The following FOXP1 variants were observed in gnomAD, a reference collection of about 807,000 sequenced individuals.
FOXP1 encodes the protein forkhead box protein P1.
Under a neutral mutation model 98.2 loss-of-function variants are expected in FOXP1, and 15 were observed. The observed-to-expected ratio is 0.15, with a 90% CI of 0.10 to 0.24. The LOEUF (loss-of-function observed/expected upper bound fraction) is 0.24. Ranked by LOEUF, FOXP1 falls within the 10% of genes least tolerant of loss-of-function variation. FOXP1 has a pLI of 1.00. For synonymous variants in FOXP1, 371 were observed against 314.5 expected (o/e 1.18, Z -1.90); for missense variants, 633 against 848.5 (o/e 0.75, Z 3.15).
chr3:71,074,529 G>T (rs1410767330), intron 7 of FOXP1, among the ~76,000 whole-genome samples: 3 of 152,126 alleles, frequency 2.0e-5, no homozygotes, highest in Admixed American at 6.5e-5. Context: ...CACATGGCCA[G>T]CTTAAATTAT....
chr3:71,467,424 C>A (rs190875348), intron 3 of FOXP1, among the ~76,000 whole-genome samples: 19 of 152,154 alleles, frequency 1.2e-4, no homozygotes, highest in Admixed American at 1.1e-3. Context: ...GGGTGGTGGA[C>A]AAATGGAATC....
chr3:71,030,588 A>G (rs1448493125), intron 11 of FOXP1, among the ~76,000 whole-genome samples: 1 of 152,242 alleles, frequency 6.6e-6, no homozygotes, highest in Non-Finnish European at 1.5e-5. Context: ...TTCCCACACT[A>G]GGACCACACC....
intron 13 of FOXP1, among the ~76,000 whole-genome samples, chr3:71,000,694 C>T (rs141372095): frequency 2.0e-5 from 3 of 151,808 alleles, no homozygotes; most frequent in East Asian, 3.9e-4. Context: ...TCAAAGTGGC[C>T]GCTGAGAGTT....
chr3:71,157,742 T>C (rs1159631085), intron 6 of FOXP1, among the ~76,000 whole-genome samples: 1 of 152,132 alleles, frequency 6.6e-6, no homozygotes, highest in Non-Finnish European at 1.5e-5. Flanking sequence ...GATACAAAGT[T>C]GGGCTAAGAA....
At chr3:71,093,036 A>T (rs2056055376) in intron 7 of FOXP1, among the ~76,000 whole-genome samples, 1 of 152,150 alleles carries the variant, frequency 6.6e-6, no homozygotes, top group Non-Finnish European at 1.5e-5. Context: ...CAAGGCAGGC[A>T]GATCACCTGA....
chr3:71,351,179 A>G (rs932152399), intron 4 of FOXP1, among the ~76,000 whole-genome samples: 1 of 152,236 alleles, frequency 6.6e-6, no homozygotes, highest in African/African-American at 2.4e-5. Flanking sequence ...CAGGGAGCAC[A>G]GCACAGCCAG....
intron 6 of FOXP1, among the ~76,000 whole-genome samples, chr3:71,121,193 C>T (rs893743084): frequency 6.6e-6 from 1 of 151,764 alleles, no homozygotes; most frequent in Middle Eastern, 3.2e-3. Flanking sequence ...AGAGAGATGC[C>T]GAAGGCTCTA....
chr3:71,274,725 C>G (rs537783575), intron 5 of FOXP1, among the ~76,000 whole-genome samples: 4 of 152,256 alleles, frequency 2.6e-5, no homozygotes, highest in African/African-American at 9.6e-5. Flanking sequence ...GAGTCAGAAG[C>G]TGGAAGTAAA....
At chr3:70,978,901 T>C (rs1190722574) in intron 14 of FOXP1, among the ~76,000 whole-genome samples, 1 of 152,114 alleles carries the variant, frequency 6.6e-6, no homozygotes, top group Non-Finnish European at 1.5e-5. Flanking sequence ...TCCTTCAAGT[T>C]TTGAATGTTC....
intron 2 of FOXP1, among the ~76,000 whole-genome samples, chr3:71,548,575 T>G (rs2045543780): frequency 6.6e-6 from 1 of 152,100 alleles, no homozygotes; most frequent in Non-Finnish European, 1.5e-5. Context: ...ATTGTTGTAT[T>G]TTTGGTAGAG....
At chr3:71,031,861 G>C (rs2046909619) in intron 11 of FOXP1, among the ~76,000 whole-genome samples, 1 of 152,220 alleles carries the variant, frequency 6.6e-6, no homozygotes, top group African/African-American at 2.4e-5. Context: ...CACCCAGCCA[G>C]AAAGGTCCAT....
upstream of FOXP1, chr3:71,583,830 G>A (rs2048386294): frequency 1.0e-6 from 1 of 987,972 alleles, no homozygotes; most frequent in Non-Finnish European, 1.2e-6. Flanking sequence ...GGCGGCAGAG[G>A]CGCGGGCAGC....
chr3:71,387,345 C>T (rs1354672813), intron 3 of FOXP1, among the ~76,000 whole-genome samples: 1 of 152,238 alleles, frequency 6.6e-6, no homozygotes, highest in East Asian at 1.9e-4. Context: ...ATAACTTCAT[C>T]ACCTTGAAGT....
rs530140175 is a variant in FOXP1, at chr3:71,344,745, C to A, written c.-73+14405G>T. Among the ~76,000 whole-genome samples, 8 of 151,646 alleles carry A rather than the reference C, an allele frequency of 5.3e-5. No individual in the cohort carries two copies. The South Asian group carries it at 1.5e-3, about 28-fold the overall frequency. On this transcript the variant is annotated intron_variant, in intron 4 of 20. Coordinates refer to ENST00000649528, the MANE Select transcript of FOXP1 (RefSeq NM_001349338.3). The stretch of plus-strand genomic sequence containing the variant: ...TCCAGCTACTTGGGAGGCTGAGGCA[C>A]GAGAATGGCTTGAACCTGGCAGAGG...
At chr3:71,109,558 A>G (rs1462962410) in intron 7 of FOXP1, among the ~76,000 whole-genome samples, 2 of 152,154 alleles carry the variant, frequency 1.3e-5, no homozygotes, top group Non-Finnish European at 2.9e-5. Context: ...AAGATCAGAG[A>G]TGAGCACTGT....
chr3:71,199,035 C>G (rs1389909882), intron 5 of FOXP1, among the ~76,000 whole-genome samples: 1 of 151,812 alleles, frequency 6.6e-6, no homozygotes, highest in Non-Finnish European at 1.5e-5. Flanking sequence ...CAAAAACCAG[C>G]AAGTCATCCT....
chr3:70,959,423 T>C, intron 20 of FOXP1, 32 bp from the exon 21 acceptor site: 1 of 1,613,694 alleles, frequency 6.2e-7, no homozygotes, highest in Non-Finnish European at 8.5e-7. Context: ...TCAGTGAGGG[T>C]ACTTCCCAGC....
intron 4 of FOXP1, among the ~76,000 whole-genome samples, chr3:71,339,316 C>T (rs1463428228): frequency 6.6e-6 from 1 of 152,230 alleles, no homozygotes; most frequent in East Asian, 1.9e-4. Context: ...TGGATAACTT[C>T]CAAACATCTT....
At chr3:71,418,370 G>C (rs1021314091) in intron 3 of FOXP1, among the ~76,000 whole-genome samples, 2 of 152,148 alleles carry the variant, frequency 1.3e-5, no homozygotes, top group African/African-American at 4.8e-5. Flanking sequence ...AAGGCCATTT[G>C]CATATTCTCC....
Sources: allele counts gnomAD v4.1 joint callset (sites outside exome capture counted in the v4.1 genomes callset), GRCh38; gene constraint gnomAD v4.1.1; transcripts MANE v1.5; gene names NCBI Gene and HGNC (gene_info 2026-07-23, HGNC 2026-07-21).